The following PRMT8 variants were observed in gnomAD, a reference collection of about 807,000 sequenced individuals.
PRMT8 encodes protein arginine N-methyltransferase 8.
Under a neutral mutation model 47.1 loss-of-function variants are expected in PRMT8, and 7 were observed. The ratio of observed to expected loss-of-function variants is 0.15; its 90% CI spans 0.08 to 0.28. PRMT8 has a LOEUF of 0.28. Ranked by LOEUF, PRMT8 falls within the 10% of genes least tolerant of loss-of-function variation. The probability of loss-of-function intolerance (pLI) is 1.00; values close to 1 mark genes in which losing one functional copy is unlikely to be tolerated. For missense variants in PRMT8, 237 were observed against 505.4 expected, an observed-to-expected ratio of 0.47 and a Z score of 5.09; for synonymous variants, 188 against 186.5, an observed-to-expected ratio of 1.01 and a Z score of -0.07.
intron 1 of PRMT8, among the ~76,000 whole-genome samples, chr12:3,442,684 A>T (rs920261817): frequency 6.6e-6 from 1 of 152,128 alleles, no homozygotes; most frequent in Non-Finnish European, 1.5e-5. Flanking sequence ...TTTCAGATAG[A>T]GTCTCACTCT....
chr12:3,452,489 C>A (rs974184761), intron 1 of PRMT8, among the ~76,000 whole-genome samples: 1 of 152,130 alleles, frequency 6.6e-6, no homozygotes, highest in South Asian at 2.1e-4. Context: ...ATGTCCTAAG[C>A]GGTCTCCTCG....
intron 2 of PRMT8, among the ~76,000 whole-genome samples, chr12:3,543,311 C>T (rs890075535): frequency 1.3e-5 from 2 of 152,302 alleles, no homozygotes; most frequent in Non-Finnish European, 2.9e-5. Flanking sequence ...GTGGGGGGCA[C>T]GTGGAAGAAC....
chr12:3,498,672 A>G (rs1167482203), intron 1 of PRMT8, among the ~76,000 whole-genome samples: 1 of 152,190 alleles, frequency 6.6e-6, no homozygotes, highest in Non-Finnish European at 1.5e-5. Flanking sequence ...ACCCTAGGCC[A>G]TCAATATTAG....
At chr12:3,522,352 T>C (rs896753582) in intron 1 of PRMT8, among the ~76,000 whole-genome samples, 1 of 152,128 alleles carries the variant, frequency 6.6e-6, no homozygotes, top group African/African-American at 2.4e-5. Flanking sequence ...GGCAGCTCAG[T>C]GCTAATTACC....
intron 1 of PRMT8, among the ~76,000 whole-genome samples, chr12:3,396,456 T>A (rs1038054104): frequency 6.6e-6 from 1 of 152,190 alleles, no homozygotes; most frequent in African/African-American, 2.4e-5. Flanking sequence ...GTATTTTATT[T>A]CTCCTTCACT....
chr12:3,393,533 G>A (rs984376322), intron 1 of PRMT8, among the ~76,000 whole-genome samples: 2 of 152,170 alleles, frequency 1.3e-5, no homozygotes, highest in South Asian at 2.1e-4. Context: ...TAGACATGTG[G>A]TGTTATTTCT....
intron 1 of PRMT8, among the ~76,000 whole-genome samples, chr12:3,519,442 T>A (rs186172411): frequency 2.6e-5 from 4 of 152,164 alleles, no homozygotes; most frequent in Admixed American, 2.0e-4. Flanking sequence ...GGATGCAGTG[T>A]GGCCACTGAG....
chr12:3,555,650 A>G (rs1267912716), intron 4 of PRMT8, among the ~76,000 whole-genome samples: 2 of 152,198 alleles, frequency 1.3e-5, no homozygotes, highest in African/African-American at 4.8e-5. Context: ...CGCAAGCAAG[A>G]AGGGTGTGAG....
intron 1 of PRMT8, among the ~76,000 whole-genome samples, chr12:3,382,528 T>C (rs2137041403): frequency 6.6e-6 from 1 of 152,320 alleles, no homozygotes; most frequent in South Asian, 2.1e-4. Context: ...TACGTCCTCT[T>C]TGGTGAAACG....
intron 2 of PRMT8, among the ~76,000 whole-genome samples, chr12:3,541,647 T>C (rs1237909287): frequency 6.6e-6 from 1 of 152,228 alleles, no homozygotes; most frequent in Non-Finnish European, 1.5e-5. Flanking sequence ...AAAACAAGTC[T>C]TGAAGATCTT....
chr12:3,510,143 G>C (rs372815859), intron 1 of PRMT8, among the ~76,000 whole-genome samples: 56 of 152,308 alleles, frequency 3.7e-4, no homozygotes, highest in African/African-American at 5.1e-4. Flanking sequence ...TCTCAGACCA[G>C]AGATCTGAAC....
chr12:3,392,216 T>G (rs1186446438), intron 1 of PRMT8, among the ~76,000 whole-genome samples: 1 of 152,008 alleles, frequency 6.6e-6, no homozygotes, highest in Non-Finnish European at 1.5e-5. Context: ...TTTTTTAAAT[T>G]TATTATTATT....
intron 1 of PRMT8, among the ~76,000 whole-genome samples, chr12:3,423,518 T>A (rs574455332): frequency 2.6e-5 from 4 of 152,336 alleles, no homozygotes; most frequent in South Asian, 4.1e-4. Flanking sequence ...ATAGCTGTGC[T>A]TTTCTTTCCG....
intron 1 of PRMT8, among the ~76,000 whole-genome samples, chr12:3,468,465 T>A (rs1360676362): frequency 6.6e-6 from 1 of 152,204 alleles, no homozygotes; most frequent in East Asian, 1.9e-4. Context: ...CCCATGGGAT[T>A]GTGTATGTGC....
At position 3,538,465 on chromosome 12, in the gene PRMT8, C is replaced by T; in HGVS notation, c.76-2141C>T. On this transcript the variant is annotated intron_variant, in intron 1 of 9. Transcript: ENST00000382622. The surrounding 1 kb of genome is among the most constrained non-coding windows in gnomAD (Gnocchi z 4.6). The stretch of plus-strand genomic sequence containing the variant: ...CGCTGAATGTTCAGGGATCACAGGC[C>T]ACTGCCGTTTCCCACCCACTCCCAG... 4 of 361,740 alleles carry T rather than the reference C, an allele frequency of 1.1e-5. No homozygotes were observed. Among genetic ancestry groups the T allele is most frequent in the South Asian group, 6.2e-5 (3 of 48,070 alleles). The allele number at this position is 361,740 out of a possible 1,614,324, so 22.4% of individuals were successfully genotyped here.
At position 3,470,096 on chromosome 12, in the gene PRMT8, C is replaced by T. The variant is rs11062664; in HGVS notation, c.49-70510C>T. Among the ~76,000 whole-genome samples, 467 of 152,196 alleles carry T rather than the reference C, an allele frequency of 3.1e-3. 13 individuals carry two copies. In the East Asian group the frequency reaches 0.065, roughly 21 times the overall value. On this transcript the variant is annotated intron_variant, in intron 1 of 9. Coordinates refer to the PRMT8 transcript ENST00000452611. ...GCTCAATTATAAGAAGGCAGAGGAG[C>T]GGATTATAACGAATACACATAAAAA...
intron 1 of PRMT8, among the ~76,000 whole-genome samples, chr12:3,451,035 C>CT (rs1864912323): frequency 2.0e-4 from 1 of 5,054 alleles, no homozygotes; most frequent in Non-Finnish European, 9.9e-4. Flanking sequence ...TTGCTGACAC[C>CT]CCCCCCCCCC....
intron 1 of PRMT8, among the ~76,000 whole-genome samples, chr12:3,458,778 C>T (rs1451952513): frequency 6.6e-6 from 1 of 152,140 alleles, no homozygotes; most frequent in East Asian, 1.9e-4. Flanking sequence ...ATGGGTGTCA[C>T]CCCAGTCATC....
At chr12:3,561,238 G>A (rs752019727) in intron 4 of PRMT8, among the ~76,000 whole-genome samples, 4 of 152,144 alleles carry the variant, frequency 2.6e-5, no homozygotes, top group African/African-American at 7.2e-5. Context: ...CCAGTCAATG[G>A]GAGGGGCCCA....
Sources: allele counts gnomAD v4.1 joint callset (sites outside exome capture counted in the v4.1 genomes callset), GRCh38; gene constraint gnomAD v4.1.1; non-coding constraint Gnocchi (gnomAD v3.1); transcripts MANE v1.5; gene names NCBI Gene and HGNC (gene_info 2026-07-23, HGNC 2026-07-21).